The following PARD6G variants were observed in gnomAD, a reference collection of about 807,000 sequenced individuals.
PARD6G encodes the protein par-6 family cell polarity regulator gamma.
A neutral mutation model predicts 10.7 loss-of-function variants in PARD6G; 7 were observed. The observed-to-expected ratio is 0.66, with a 90% CI of 0.37 to 1.23. The LOEUF is 1.23. Among genes scored for constraint, PARD6G ranks in the 50% most tolerant of loss-of-function variants. The pLI is 0.02. For synonymous variants in PARD6G, 287 were observed against 269.4 expected (o/e 1.07, Z -0.64); for missense variants, 548 against 571.8 (o/e 0.96, Z 0.42).
At chr18:80,191,199 G>C (rs1295498597) in intron 2 of PARD6G, among the ~76,000 whole-genome samples, 1 of 152,188 alleles carries the variant, frequency 6.6e-6, no homozygotes, top group Admixed American at 6.5e-5. Flanking sequence ...GCATATTCCA[G>C]GTAACTAGAA....
At position 80,159,954 on chromosome 18, in the gene PARD6G, C is replaced by G; in HGVS notation, c.948G>C (p.Pro316=). The G allele has an allele frequency of 6.7e-7, 1 of 1,498,770 alleles. No individual in the cohort carries two copies. Among genetic ancestry groups the G allele is most frequent in the Non-Finnish European group, 8.8e-7 (1 of 1,134,302 alleles). 92.8% of individuals were successfully genotyped at this position (1,498,770 alleles called of 1,614,324 possible). A position where few individuals can be genotyped will look rare whatever the true frequency, so the allele number is the denominator to read the frequency against. ...TLEPARPPQT[P]GAPAGSLSRV... is the part of the protein sequence containing the mutation. ...GGGAGAGGCTGCCTGCGGGCGCGCC[C>G]GGGGTCTGGGGGGGACGTGCAGGCT... The change falls in exon 3 of 3, where the codon CCG becomes CCC. Residue 316 remains proline, a synonymous_variant. Transcript: ENST00000353265.
At position 80,161,004 on chromosome 18, in the gene PARD6G, G is replaced by GT. The variant is rs1327876902; in HGVS notation, c.296-399dup. Among the ~76,000 whole-genome samples the GT allele has an allele frequency of 1.3e-5, 2 of 152,160 alleles. No homozygotes were observed. Among genetic ancestry groups the GT allele is most frequent in the Non-Finnish European group, 1.5e-5 (1 of 68,030 alleles). On this transcript the variant is annotated intron_variant, in intron 2 of 2. Coordinates refer to ENST00000353265, the MANE Select transcript of PARD6G (RefSeq NM_032510.4). The surrounding 1 kb of genome is among the most constrained non-coding windows in gnomAD (Gnocchi z 4.6). ...TCTCCCATATTTCCTTCTCTCAACTGTAAGACGGAGGCTCGTTTTTTTCTA... is the reference window on the plus strand; with the variant it reads ...TCTCCCATATTTCCTTCTCTCAACTGTTAAGACGGAGGCTCGTTTTTTTCTA...
intron 2 of PARD6G, among the ~76,000 whole-genome samples, chr18:80,190,604 C>T (rs1281153879): frequency 2.6e-5 from 4 of 152,268 alleles, no homozygotes; most frequent in African/African-American, 4.8e-5. Context: ...CTGATGGCCA[C>T]GTGGCTCTGA....
chr18:80,177,780 A>G (rs958761553), intron 2 of PARD6G, among the ~76,000 whole-genome samples: 2 of 149,810 alleles, frequency 1.3e-5, no homozygotes, highest in Admixed American at 1.3e-4. Context: ...AGATAAATCA[A>G]TGCCCAAATG....
chr18:80,239,638 A>G (rs1967467574), intron 1 of PARD6G, among the ~76,000 whole-genome samples: 1 of 152,214 alleles, frequency 6.6e-6, no homozygotes, highest in Non-Finnish European at 1.5e-5. Context: ...TTCCTGGCCT[A>G]TCTCTGAGCA....
In PARD6G at chr18:80,160,145, G is replaced by T; in HGVS notation, c.757C>A (p.Arg253Ser). Residue 253 changes from arginine (R) to serine (S), a missense_variant, in exon 3 of 3, where the codon CGC becomes AGC. Arg to Ser is a moderately radical substitution (Grantham distance 110, BLOSUM62 -1). Around this residue, in one of 2 missense-constraint regions of PARD6G, gnomAD observed 313 missense variants for 279.9 expected, o/e 1.12. Coordinates refer to ENST00000353265, the MANE Select transcript of PARD6G (RefSeq NM_032510.4). The part of the protein sequence containing the change: ...LIVTVKPANQ[R>S]NNVVRGGRAL... The stretch of plus-strand genomic sequence containing the variant: ...CGGCCGCCGCGCACCACGTTGTTGC[G>T]CTGGTTGGCGGGCTTGACGGTGACG... 1.2e-6 allele frequency: 2 copies of T among 1,613,252 alleles called. No individual in the cohort carries two copies. Among genetic ancestry groups the T allele is most frequent in the African/African-American group, 1.3e-5 (1 of 75,048 alleles).
At chr18:80,243,995 C>T (rs753430993) in intron 1 of PARD6G, among the ~76,000 whole-genome samples, 10 of 152,232 alleles carry the variant, frequency 6.6e-5, no homozygotes, top group Non-Finnish European at 1.0e-4. Context: ...GTGGAATTGA[C>T]GCAATACTGA....
intron 1 of PARD6G, among the ~76,000 whole-genome samples, chr18:80,204,787 A>G (rs1967040210): frequency 6.6e-6 from 1 of 151,810 alleles, no homozygotes; most frequent in South Asian, 2.1e-4. Context: ...CATCTCTACT[A>G]AAAGTACCAA....
chr18:80,194,939 G>C (rs1966937101), intron 2 of PARD6G, among the ~76,000 whole-genome samples: 1 of 152,174 alleles, frequency 6.6e-6, no homozygotes, highest in Non-Finnish European at 1.5e-5. Context: ...CCGACTGCTA[G>C]AGAACAGCAG....
rs2052850531 is a variant in PARD6G at position 80,181,931 on chromosome 18, CT to C, written c.295+20778del. 6.6e-6 allele frequency among the ~76,000 whole-genome samples: 1 copy of C among 152,192 alleles called. No homozygotes were observed. The highest frequency in any genetic ancestry group is 1.5e-5 in the Non-Finnish European group (1 of 68,026). On this transcript the variant is annotated intron_variant, in intron 2 of 2. Transcript: ENST00000353265. This position sits in a 1 kb window ranked among gnomAD's most constrained non-coding sequence, Gnocchi z 7.9. ...ACCTGCATTTCAAACAGACCCAGGG[CT>C]GCAGCACACAACACGTTTCCAGTGG...
chr18:80,160,191 GATC>G lies in PARD6G; in HGVS notation c.708_710del (p.Met236del). On this transcript the variant is annotated inframe_deletion, in exon 3 of 3. Transcript: ENST00000353265. The stretch of plus-strand genomic sequence containing the variant: ...TGACGATGAGGTTGTGGCTGTTGGC[GATC>G]ATCATGTCCGTGACCTGGTCCAGCG... The G allele has an allele frequency of 2.5e-6, 4 of 1,613,234 alleles. No homozygotes were observed. The highest frequency in any genetic ancestry group is 1.3e-5 in the African/African-American group (1 of 75,036).
rs1171816757 is a variant in PARD6G at position 80,246,872 on chromosome 18, C to G, written c.72+405G>C. ...CCTTGGCCAGGGCCATCCCACGGCC[C>G]GGGCCCCCAGAGCCCCCCCACGGCC... On this transcript the variant is annotated intron_variant, in intron 1 of 2. Transcript: ENST00000353265. This position sits in a 1 kb window ranked among gnomAD's most constrained non-coding sequence, Gnocchi z 6.7. Among the ~76,000 whole-genome samples, 2 of 152,072 alleles carry G rather than the reference C, an allele frequency of 1.3e-5. No individual in the cohort carries two copies. The highest frequency in any genetic ancestry group is 1.3e-4 in the Admixed American group (2 of 15,288).
At chr18:80,163,165 T>C (rs1426968840) in intron 2 of PARD6G, among the ~76,000 whole-genome samples, 1 of 152,154 alleles carries the variant, frequency 6.6e-6, no homozygotes, top group Non-Finnish European at 1.5e-5. Flanking sequence ...AAGAACATTG[T>C]GGTGCAGGTG....
intron 2 of PARD6G, among the ~76,000 whole-genome samples, chr18:80,166,326 G>A (rs1175091734): frequency 4.0e-5 from 6 of 151,258 alleles, no homozygotes; most frequent in Non-Finnish European, 5.9e-5. Context: ...AGGCCCAGAT[G>A]CAGGGCTGCA....
chr18:80,173,243 G>A (rs2052788474), intron 2 of PARD6G, among the ~76,000 whole-genome samples: 1 of 152,174 alleles, frequency 6.6e-6, no homozygotes, highest in African/African-American at 2.4e-5. Context: ...TTGGGGCTAT[G>A]GAAAAAGTTT....
chr18:80,225,942 C>T (rs1007764258), intron 1 of PARD6G, among the ~76,000 whole-genome samples: 1 of 152,130 alleles, frequency 6.6e-6, no homozygotes, highest in Non-Finnish European at 1.5e-5. Context: ...CACATCACCC[C>T]ACCACAAAGA....
intron 2 of PARD6G, chr18:80,197,720 TC>T (rs1966970910): frequency 6.6e-6 from 1 of 151,950 alleles, no homozygotes; most frequent in Admixed American, 6.5e-5. Flanking sequence ...TGTTTGCACT[TC>T]CTGTTTATCC....
intron 2 of PARD6G, among the ~76,000 whole-genome samples, chr18:80,195,067 G>A (rs549779576): frequency 8.5e-5 from 13 of 152,286 alleles, no homozygotes; most frequent in Admixed American, 4.6e-4. Flanking sequence ...AGCTCGAGAT[G>A]ATCATTGGCC....
chr18:80,204,597 C>G (rs1311377533), intron 1 of PARD6G, among the ~76,000 whole-genome samples: 1 of 151,186 alleles, frequency 6.6e-6, no homozygotes, highest in Non-Finnish European at 1.5e-5. Flanking sequence ...GTGCACTGCC[C>G]TCAGCAATTA....
Sources: gnomAD v4.1 joint callset for allele counts (sites outside exome capture counted in the v4.1 genomes callset) on GRCh38, gnomAD v4.1.1 for gene constraint, gnomAD v4.1.1 regional missense constraint, Gnocchi (gnomAD v3.1) non-coding constraint, MANE v1.5 for transcripts, NCBI Gene and HGNC (gene_info 2026-07-23, HGNC 2026-07-21) for gene names.